Variants in TTC23 observed in about 807,000 individuals in gnomAD.
The protein encoded by TTC23 is tetratricopeptide repeat domain 23.
A neutral mutation model predicts 55.1 loss-of-function variants in TTC23; 58 were observed. The ratio of observed to expected loss-of-function variants is 1.05; its 90% CI spans 0.85 to 1.31. The LOEUF (loss-of-function observed/expected upper bound fraction) is 1.31, where lower values mean the gene tolerates loss of function less well. Ranked by LOEUF, TTC23 falls within the 50% of genes most tolerant of loss-of-function variation. TTC23 has a pLI of 0.00. For missense variants in TTC23, 516 were observed against 534.4 expected (o/e 0.97, Z 0.34); for synonymous variants, 203 against 199.9 (o/e 1.02, Z -0.13).
intron 8 of TTC23, among the ~76,000 whole-genome samples, chr15:99,202,268 G>A (rs1440625794): frequency 6.6e-6 from 1 of 152,104 alleles, no homozygotes. Flanking sequence ...CAATGCCAGG[G>A]ATATTTGAGA....
At chr15:99,222,009 G>T in intron 5 of TTC23, 145 bp from the exon 6 acceptor site, 1 of 865,756 alleles carries the variant, frequency 1.2e-6, no homozygotes, top group Non-Finnish European at 1.7e-6. Flanking sequence ...ATGTATCAGA[G>T]AACAAAACAG....
At chr15:99,239,161 G>A (rs2079558954) in intron 3 of TTC23, among the ~76,000 whole-genome samples, 1 of 152,078 alleles carries the variant, frequency 6.6e-6, no homozygotes, top group Non-Finnish European at 1.5e-5. Flanking sequence ...AATGTAGGTG[G>A]TGTTCTCATT....
chr15:99,239,826 A>G (rs1048075611), intron 3 of TTC23, among the ~76,000 whole-genome samples: 32 of 152,216 alleles, frequency 2.1e-4, no homozygotes, highest in South Asian at 2.1e-4. Flanking sequence ...TATATACATA[A>G]CACTTTATAC....
At chr15:99,141,194 A>G (rs985537034) in intron 12 of TTC23, among the ~76,000 whole-genome samples, 1 of 152,162 alleles carries the variant, frequency 6.6e-6, no homozygotes, top group Non-Finnish European at 1.5e-5. Context: ...GAATATGTAA[A>G]CTGTGATATG....
intron 10 of TTC23, among the ~76,000 whole-genome samples, chr15:99,171,247 T>C (rs184172332): frequency 1.3e-5 from 2 of 152,300 alleles, no homozygotes; most frequent in African/African-American, 2.4e-5. Flanking sequence ...TTCTGGTTGA[T>C]AGGTGCTGAA....
At position 99,167,313 on chromosome 15, in the gene TTC23, C is replaced by A. The variant is rs1020590; in HGVS notation, c.866-5446G>T. The stretch of plus-strand genomic sequence containing the variant: ...CACTCTCACACAAGGCCACCCCTAC[C>A]TTTGAAAACCACTTCTAGAATCCTC... On this transcript the variant is annotated intron_variant, in intron 10 of 13. Coordinates refer to ENST00000394132, the MANE Select transcript of TTC23 (RefSeq NM_001288615.3). Among the ~76,000 whole-genome samples, 348 of 152,342 alleles carry A rather than the reference C, an allele frequency of 2.3e-3. 1 individual carries two copies. The highest frequency in any genetic ancestry group is 8.0e-3 in the African/African-American group (331 of 41,576).
intron 1 of TTC23, chr15:99,248,276 T>C (rs1276524812): frequency 6.6e-6 from 1 of 152,230 alleles, no homozygotes; most frequent in Non-Finnish European, 1.5e-5. Context: ...GTCAGTTTTA[T>C]TGTCTTCAAA....
chr15:99,234,514 G>C (rs961446154), intron 4 of TTC23, among the ~76,000 whole-genome samples: 2 of 152,088 alleles, frequency 1.3e-5, no homozygotes, highest in Non-Finnish European at 2.9e-5. Context: ...GGGACTACAG[G>C]TGCCCGCCAC....
At chr15:99,174,639 G>T (rs569067705) in intron 10 of TTC23, among the ~76,000 whole-genome samples, 1 of 152,314 alleles carries the variant, frequency 6.6e-6, no homozygotes, top group South Asian at 2.1e-4. Context: ...CTGAAGCCGT[G>T]TAAGTTCATC....
At position 99,137,742 on chromosome 15, in the gene TTC23, T is replaced by C. The variant is rs567241211; in HGVS notation, c.*268A>G. The C allele has an allele frequency of 7.6e-5, 35 of 459,722 alleles. No individual in the cohort carries two copies. The highest frequency in any genetic ancestry group is 6.2e-4 in the South Asian group (22 of 35,670). 28.5% of individuals were successfully genotyped at this position (459,722 alleles called of 1,614,324 possible). A position where few individuals can be genotyped will look rare whatever the true frequency, so the allele number is the denominator to read the frequency against. On this transcript the variant is annotated 3_prime_UTR_variant, in exon 14 of 14. Transcript: ENST00000394132. ...AAGAGAAGTTTTTCAGCCACAGTAG[T>C]GCTGATGGGTAAAAATTCTTGTTGG... is the stretch of plus-strand genomic sequence containing the variant.
intron 9 of TTC23, among the ~76,000 whole-genome samples, chr15:99,195,950 T>A (rs1227182562): frequency 6.6e-6 from 1 of 151,162 alleles, no homozygotes; most frequent in East Asian, 1.9e-4. Flanking sequence ...GTTCAGGAGT[T>A]CAAGACCAGC....
At chr15:99,141,302 A>G (rs2068206626) in intron 12 of TTC23, among the ~76,000 whole-genome samples, 1 of 152,196 alleles carries the variant, frequency 6.6e-6, no homozygotes, top group African/African-American at 2.4e-5. Flanking sequence ...TCAAGGGGAA[A>G]AAGAAAACGA....
In TTC23 at chr15:99,246,057, G is replaced by T. The variant is rs138845277; in HGVS notation, c.-430-547C>A. Reference sequence around the variant, plus strand: ...GCTCCTGACCTGAGGTGATCCACCCGACTTGGCCTCCCAAAATACTGGGAT... The same window carrying T: ...GCTCCTGACCTGAGGTGATCCACCCTACTTGGCCTCCCAAAATACTGGGAT... On this transcript the variant is annotated intron_variant, in intron 1 of 13. Transcript: ENST00000394132. Among the ~76,000 whole-genome samples, 349 of 151,946 alleles carry T rather than the reference G, an allele frequency of 2.3e-3. 1 individual carries two copies. The highest frequency in any genetic ancestry group is 8.0e-3 in the African/African-American group (331 of 41,456).
intron 12 of TTC23, chr15:99,148,483 T>C (rs1555495181): frequency 1.3e-5 from 2 of 151,506 alleles, no homozygotes; most frequent in African/African-American, 4.9e-5. Context: ...GGGCTTTGAG[T>C]TTTTGAAGAA....
chr15:99,214,427 A>G (rs896171501), intron 8 of TTC23, among the ~76,000 whole-genome samples: 6 of 150,550 alleles, frequency 4.0e-5, no homozygotes, highest in Non-Finnish European at 7.4e-5. Flanking sequence ...GAATGGCGTG[A>G]ACCCGGGAAG....
chr15:99,138,413 A>T (rs1287793844), intron 13 of TTC23, among the ~76,000 whole-genome samples: 1 of 151,810 alleles, frequency 6.6e-6, no homozygotes, highest in Non-Finnish European at 1.5e-5. Flanking sequence ...TCCCAGGTTC[A>T]AGCAACTCTC....
intron 6 of TTC23, among the ~76,000 whole-genome samples, chr15:99,219,442 T>C (rs2077733875): frequency 6.6e-6 from 1 of 152,196 alleles, no homozygotes; most frequent in African/African-American, 2.4e-5. Flanking sequence ...GCAATCTTAA[T>C]GAAATACTAA....
intron 8 of TTC23, among the ~76,000 whole-genome samples, chr15:99,215,896 G>A (rs1256685339): frequency 2.0e-5 from 3 of 152,104 alleles, no homozygotes. Flanking sequence ...GTTGGCAGGA[G>A]AAAAGGAAAT....
At chr15:99,139,254 T>C in intron 13 of TTC23, 63 bp downstream of exon 13, 3 of 1,585,570 alleles carry the variant, frequency 1.9e-6, no homozygotes, top group Non-Finnish European at 2.6e-6. Context: ...AGAACCAGCT[T>C]TCTCTTGAGA....
Sources: gnomAD v4.1 joint callset for allele counts (sites outside exome capture counted in the v4.1 genomes callset) on GRCh38, gnomAD v4.1.1 for gene constraint, MANE v1.5 for transcripts, NCBI Gene and HGNC (gene_info 2026-07-23, HGNC 2026-07-21) for gene names.